The following SH3BGRL2 variants were observed in gnomAD, a reference collection of about 807,000 sequenced individuals.
The protein encoded by SH3BGRL2 is SH3 domain binding glutamate rich protein like 2, also known as SH3 domain-binding glutamic acid-rich-like protein 2.
SH3BGRL2 carries 21 observed loss-of-function variants against 14.8 expected under a neutral mutation model. That is an observed-to-expected ratio of 1.42 (90% CI 1.01 to 2.05). SH3BGRL2 has a LOEUF of 2.05. Ranked by LOEUF, SH3BGRL2 falls within the 30% of genes most tolerant of loss-of-function variation. The pLI is 0.00. For synonymous variants in SH3BGRL2, 50 were observed against 47.8 expected (o/e 1.05, Z -0.19); for missense variants, 147 against 130.8 (o/e 1.12, Z -0.61).
chr6:79,611,379 A>T, the SH3BGRL2 span, among the ~76,000 whole-genome samples: 3 of 150,376 alleles, frequency 2.0e-5, no homozygotes, highest in South Asian at 6.4e-4. Flanking sequence ...AAATCAATTG[A>T]TCTTAAGTTA....
At chr6:79,657,378 G>C (rs1480742224) in intron 1 of SH3BGRL2, among the ~76,000 whole-genome samples, 1 of 152,126 alleles carries the variant, frequency 6.6e-6, no homozygotes, top group Non-Finnish European at 1.5e-5. Flanking sequence ...GTATTTGGTA[G>C]CTGAAGGAGA....
chr6:79,648,733 G>T (rs1340471139), intron 1 of SH3BGRL2, among the ~76,000 whole-genome samples: 1 of 152,042 alleles, frequency 6.6e-6, no homozygotes, highest in Non-Finnish European at 1.5e-5. Flanking sequence ...AAGAAACACT[G>T]TTTCTGTATT....
At chr6:79,583,023 C>G in the SH3BGRL2 span, among the ~76,000 whole-genome samples, 1 of 152,098 alleles carries the variant, frequency 6.6e-6, no homozygotes, top group Non-Finnish European at 1.5e-5. Context: ...CCAACAGACA[C>G]AGAAAAAATG....
chr6:79,626,072 C>T, the SH3BGRL2 span, among the ~76,000 whole-genome samples: 1 of 152,176 alleles, frequency 6.6e-6, no homozygotes, highest in Non-Finnish European at 1.5e-5. Flanking sequence ...TAGTTAAGAA[C>T]AGGGCAGCCC....
At chr6:79,631,835 C>T (rs1768832534) in intron 1 of SH3BGRL2, among the ~76,000 whole-genome samples, 1 of 152,166 alleles carries the variant, frequency 6.6e-6, no homozygotes, top group Non-Finnish European at 1.5e-5. Flanking sequence ...TCGGGGATCC[C>T]CCTTCCCCTA....
At chr6:79,615,942 G>A in the SH3BGRL2 span, among the ~76,000 whole-genome samples, 4 of 149,726 alleles carry the variant, frequency 2.7e-5, no homozygotes, top group African/African-American at 9.9e-5. Flanking sequence ...TCAGCCTCCG[G>A]AGTAGCTGGG....
chr6:79,696,961 T>C (rs1562160953), intron 3 of SH3BGRL2, among the ~76,000 whole-genome samples: 2 of 152,110 alleles, frequency 1.3e-5, no homozygotes, highest in Non-Finnish European at 2.9e-5. Flanking sequence ...GAAGAGATGG[T>C]CTATAATAAT....
At chr6:79,571,526 A>G in the SH3BGRL2 span, among the ~76,000 whole-genome samples, 3 of 152,164 alleles carry the variant, frequency 2.0e-5, no homozygotes, top group African/African-American at 2.4e-5. Context: ...GAAATTGTAT[A>G]TATTCAAGGT....
the SH3BGRL2 span, among the ~76,000 whole-genome samples, chr6:79,556,864 A>G: frequency 2.0e-5 from 3 of 152,020 alleles, no homozygotes; most frequent in Non-Finnish European, 1.5e-5. Context: ...AACATATATT[A>G]AAGTATAATA....
chr6:79,577,128 A>T, the SH3BGRL2 span, among the ~76,000 whole-genome samples: 2 of 152,218 alleles, frequency 1.3e-5, no homozygotes, highest in African/African-American at 4.8e-5. Context: ...TTGAAAAAAC[A>T]AAACAAAACA....
At chr6:79,628,616 C>T (rs1157269717), upstream of SH3BGRL2, among the ~76,000 whole-genome samples, 2 of 152,174 alleles carry the variant, frequency 1.3e-5, no homozygotes, top group Non-Finnish European at 2.9e-5. Context: ...AGATTGCATT[C>T]TGCTCTCAGG....
the SH3BGRL2 span, among the ~76,000 whole-genome samples, chr6:79,551,123 T>G: frequency 6.6e-6 from 1 of 152,170 alleles, no homozygotes; most frequent in South Asian, 2.1e-4. Flanking sequence ...TTGCAATGTT[T>G]CCAAGATTTG....
chr6:79,631,379 C>A lies in SH3BGRL2; in HGVS notation c.-83C>A. On this transcript the variant is annotated 5_prime_UTR_variant, in exon 1 of 4. Transcript: ENST00000369838. ...CAGCGCTTTACCCAGAGGCTGCCGG[C>A]GGCTCGTAGCTGGGTTCAGCTCTGC... 2 of 1,273,228 alleles carry A rather than the reference C, an allele frequency of 1.6e-6. No individual in the cohort carries two copies. The highest frequency in any genetic ancestry group is 1.8e-5 in the South Asian group (1 of 57,130). The allele number at this position is 1,273,228 out of a possible 1,614,324, so 78.9% of individuals were successfully genotyped here.
At chr6:79,698,560 T>C (rs1216539997) in intron 3 of SH3BGRL2, among the ~76,000 whole-genome samples, 1 of 152,190 alleles carries the variant, frequency 6.6e-6, no homozygotes, top group Non-Finnish European at 1.5e-5. Flanking sequence ...AGGACATTCA[T>C]GGGCCCAACA....
At chr6:79,671,192 C>G (rs1769766062) in intron 1 of SH3BGRL2, among the ~76,000 whole-genome samples, 1 of 151,992 alleles carries the variant, frequency 6.6e-6, no homozygotes. Flanking sequence ...TGAGGTCAGG[C>G]ACGGTGGCTC....
rs546920982 is a variant in SH3BGRL2 at position 79,634,200 on chromosome 6, T to G, written c.45+2694T>G. On this transcript the variant is annotated intron_variant, in intron 1 of 3. Coordinates refer to ENST00000369838, the MANE Select transcript of SH3BGRL2 (RefSeq NM_031469.4). ...GAAAATCATCCTGTTTTCTTCTGAT[T>G]CCCCTAAGCTCTCCAGCTTCAGCAG... is the stretch of plus-strand genomic sequence containing the variant. Among the ~76,000 whole-genome samples, 71 of 152,348 alleles carry G rather than the reference T, an allele frequency of 4.7e-4. No homozygotes were observed. The Middle Eastern group carries it at 0.014, about 29-fold the overall frequency.
intron 2 of SH3BGRL2, among the ~76,000 whole-genome samples, chr6:79,691,315 T>TTTTG (rs1024282714): frequency 6.6e-6 from 1 of 151,984 alleles, no homozygotes; most frequent in Non-Finnish European, 1.5e-5. Context: ...AAATCTGTTT[T>TTTTG]TTTGTTTGTT....
chr6:79,683,800 C>T (rs921405933), intron 2 of SH3BGRL2, among the ~76,000 whole-genome samples: 5 of 152,176 alleles, frequency 3.3e-5, no homozygotes, highest in African/African-American at 4.8e-5. Context: ...CTGCTCTGGA[C>T]ATTCCATTCA....
At chr6:79,646,171 C>T (rs1769140010) in intron 1 of SH3BGRL2, among the ~76,000 whole-genome samples, 2 of 152,142 alleles carry the variant, frequency 1.3e-5, no homozygotes, top group South Asian at 2.1e-4. Flanking sequence ...CAAATGTCCC[C>T]TAGGGGGCAA....
Sources: gnomAD v4.1 joint callset for allele counts (sites outside exome capture counted in the v4.1 genomes callset) on GRCh38, gnomAD v4.1.1 for gene constraint, MANE v1.5 for transcripts, NCBI Gene and HGNC (gene_info 2026-07-23, HGNC 2026-07-21) for gene names.